Variants in CSMD3 observed in about 807,000 individuals in gnomAD.
CSMD3 encodes CUB and Sushi multiple domains 3, also known as CUB and sushi domain-containing protein 3.
Under a neutral mutation model 435.2 loss-of-function variants are expected in CSMD3, and 177 were observed. The observed-to-expected ratio is 0.41, with a 90% CI of 0.36 to 0.46. The LOEUF (loss-of-function observed/expected upper bound fraction) is 0.46. Ranked by LOEUF, CSMD3 falls within the 20% of genes least tolerant of loss-of-function variation. CSMD3 has a pLI of 0.34. For missense variants in CSMD3, 4,265 were observed against 4,504.6 expected (o/e 0.95, Z 1.52); for synonymous variants, 1,656 against 1,520.5 (o/e 1.09, Z -2.07).
chr8:112,621,882 T>C (rs1834099265), intron 22 of CSMD3, among the ~76,000 whole-genome samples: 1 of 152,156 alleles, frequency 6.6e-6, no homozygotes. Context: ...GACTCTCTTA[T>C]GATCTCCAGA....
intron 4 of CSMD3, among the ~76,000 whole-genome samples, chr8:113,168,587 T>C (rs2092208217): frequency 7.3e-6 from 1 of 137,916 alleles, no homozygotes; most frequent in Non-Finnish European, 1.6e-5. Context: ...AAAATAATCT[T>C]TACAGTGAAT....
At chr8:112,486,171 G>T (rs1481095398) in intron 31 of CSMD3, among the ~76,000 whole-genome samples, 1 of 151,564 alleles carries the variant, frequency 6.6e-6, no homozygotes, top group Admixed American at 6.6e-5. Flanking sequence ...TAGCCTGGAG[G>T]AAGATTTCAA....
intron 13 of CSMD3, among the ~76,000 whole-genome samples, chr8:112,702,922 T>C (rs1300454237): frequency 6.6e-6 from 1 of 152,098 alleles, no homozygotes; most frequent in African/African-American, 2.4e-5. Context: ...GGTACAATCC[T>C]TTGTTAGTTT....
chr8:112,528,045 T>G (rs143825065), intron 27 of CSMD3, among the ~76,000 whole-genome samples: 1 of 152,282 alleles, frequency 6.6e-6, no homozygotes, highest in African/African-American at 2.4e-5. Flanking sequence ...ATTTGTGTCT[T>G]CTGGTTTTCA....
intron 13 of CSMD3, among the ~76,000 whole-genome samples, chr8:112,705,793 T>C (rs1033164060): frequency 1.3e-5 from 2 of 152,096 alleles, no homozygotes; most frequent in African/African-American, 4.8e-5. Context: ...TGCTAAAAAA[T>C]GTAAATGTTT....
At chr8:113,175,998 G>A (rs1193036684) in intron 3 of CSMD3, among the ~76,000 whole-genome samples, 3 of 152,026 alleles carry the variant, frequency 2.0e-5, no homozygotes, top group African/African-American at 7.2e-5. Context: ...ACAAATAAAT[G>A]TATCCAGAAT....
chr8:112,257,496 CAG>C (rs1462516621), intron 61 of CSMD3, among the ~76,000 whole-genome samples: 2 of 152,096 alleles, frequency 1.3e-5, no homozygotes, highest in Non-Finnish European at 2.9e-5. Flanking sequence ...GATAGACAAA[CAG>C]AGAGTCAAAT....
chr8:112,863,077 A>G (rs2080871187), intron 10 of CSMD3, among the ~76,000 whole-genome samples: 1 of 151,932 alleles, frequency 6.6e-6, no homozygotes, highest in South Asian at 2.1e-4. Flanking sequence ...TTGCTGATCT[A>G]TAGAAACTTC....
At chr8:112,791,571 T>A (rs755268413) in intron 13 of CSMD3, among the ~76,000 whole-genome samples, 2 of 152,164 alleles carry the variant, frequency 1.3e-5, no homozygotes, top group Non-Finnish European at 2.9e-5. Flanking sequence ...AGTATTTTCT[T>A]TTTTATTGAT....
chr8:112,576,859 A>G (rs1421620855), intron 23 of CSMD3, among the ~76,000 whole-genome samples: 2 of 145,614 alleles, frequency 1.4e-5, no homozygotes, highest in Non-Finnish European at 3.0e-5. Flanking sequence ...TATATATATG[A>G]AAGAAGCTTT....
At position 113,221,086 on chromosome 8, in the gene CSMD3, G is replaced by A. The variant is rs564491156; in HGVS notation, c.515-47170C>T. On this transcript the variant is annotated intron_variant, in intron 3 of 70. Transcript: ENST00000297405. ...TGAAAGGAAGCTAAAATGTTATGGC[G>A]GCTAAATGCAATACCCAAATTTTGT... is the stretch of plus-strand genomic sequence containing the variant. 2.2e-3 allele frequency among the ~76,000 whole-genome samples: 337 copies of A among 151,222 alleles called. 1 individual carries two copies. Among genetic ancestry groups the A allele is most frequent in the Middle Eastern group, 6.8e-3 (2 of 294 alleles).
At chr8:112,386,817 G>C (rs963530915) in intron 36 of CSMD3, among the ~76,000 whole-genome samples, 1 of 152,082 alleles carries the variant, frequency 6.6e-6, no homozygotes, top group Non-Finnish European at 1.5e-5. Flanking sequence ...TTTTAAAAGA[G>C]GTAAATACTG....
Position 112,475,577 on chromosome 8 carries a change from A to G in CSMD3, c.5279-2870T>C, listed in dbSNP as rs368994801. 1.7e-4 allele frequency among the ~76,000 whole-genome samples: 26 copies of G among 152,222 alleles called. 1 individual carries two copies. Among genetic ancestry groups the G allele is most frequent in the African/African-American group, 6.3e-4 (26 of 41,552 alleles). On this transcript the variant is annotated intron_variant, in intron 31 of 70. Transcript: ENST00000297405. ...GAAAATTAACTATGCTCTGAGATAC[A>G]CATCTATTGTAATTTGTTTTACCTT... is the stretch of plus-strand genomic sequence containing the variant.
chr8:112,901,822 C>A (rs1163042061), intron 10 of CSMD3, among the ~76,000 whole-genome samples: 2 of 151,268 alleles, frequency 1.3e-5, no homozygotes, highest in Non-Finnish European at 3.0e-5. Context: ...AGTTACCATT[C>A]TACCCAATCT....
At chr8:113,423,906 G>C (rs1451954210) in intron 1 of CSMD3, among the ~76,000 whole-genome samples, 1 of 151,760 alleles carries the variant, frequency 6.6e-6, no homozygotes, top group East Asian at 1.9e-4. Context: ...AATTCACATA[G>C]ATATGGAAGT....
intron 8 of CSMD3, among the ~76,000 whole-genome samples, chr8:112,952,810 T>A (rs931279444): frequency 6.6e-6 from 1 of 151,598 alleles, no homozygotes; most frequent in Non-Finnish European, 1.5e-5. Context: ...CATTTTTGCC[T>A]CATATTAGCT....
chr8:112,266,840 A>G (rs543498844), intron 59 of CSMD3, among the ~76,000 whole-genome samples: 4 of 152,200 alleles, frequency 2.6e-5, no homozygotes, highest in Admixed American at 2.6e-4. Flanking sequence ...TGGGCAGCGA[A>G]TTGGCTAAAA....
At chr8:112,604,941 A>T (rs541905045) in intron 22 of CSMD3, among the ~76,000 whole-genome samples, 43 of 149,224 alleles carry the variant, frequency 2.9e-4, no homozygotes, top group African/African-American at 1.0e-3. Context: ...AAGCAAAAAA[A>T]CAGACAACCT....
rs76648431 is a variant in CSMD3, at chr8:113,412,594, G to A, written c.178+24083C>T. Among the ~76,000 whole-genome samples, 57 of 152,202 alleles carry A rather than the reference G, an allele frequency of 3.7e-4. 2 individuals are homozygous for A. The East Asian group carries it at 0.011, about 29-fold the overall frequency. ...ATCAACTTCATGTTGAAATATATGT[G>A]CTGGGGAGGGTTATTCTTTCTAATA... On this transcript the variant is annotated intron_variant, in intron 1 of 70. Coordinates refer to ENST00000297405, the MANE Select transcript of CSMD3 (RefSeq NM_198123.2).
Sources: allele counts gnomAD v4.1 joint callset (sites outside exome capture counted in the v4.1 genomes callset), GRCh38; gene constraint gnomAD v4.1.1; transcripts MANE v1.5; gene names NCBI Gene and HGNC (gene_info 2026-07-23, HGNC 2026-07-21).